OR5M3: variants seen among roughly 807,000 people sequenced by gnomAD.
OR5M3 encodes the protein olfactory receptor 5M3.
For missense variants in OR5M3, 384 were observed against 378.6 expected (o/e 1.01, Z -0.12); for synonymous variants, 129 against 131.3 (o/e 0.98, Z 0.12).
rs370780318 is a variant in OR5M3 at position 56,469,786 on chromosome 11, T to C, written c.712A>G (p.Thr238Ala). The C allele has an allele frequency of 6.2e-7, 1 of 1,612,362 alleles. No individual in the cohort carries two copies. Among genetic ancestry groups the C allele is most frequent in the Non-Finnish European group, 8.5e-7 (1 of 1,178,688 alleles). ...SAEGRQKAFS[T>A]CGSHLTAVII... ...ACAGCTGTCAGATGGGACCCACATG[T>C]GGAAAAGGCCTTCTGCCTTCCTTCT... Residue 238 changes from threonine to alanine, a missense_variant, in exon 2 of 2, where the codon ACA (threonine) becomes GCA (alanine). Physicochemically the swap from Thr to Ala is moderately conservative, Grantham distance 58. Coordinates refer to ENST00000641993, the MANE Select transcript of OR5M3 (RefSeq NM_001004742.3).
Sources: allele counts gnomAD v4.1 joint callset, GRCh38; gene constraint gnomAD v4.1.1; transcripts MANE v1.5; gene names NCBI Gene and HGNC (gene_info 2026-07-23, HGNC 2026-07-21).